Variants in ZBTB20 observed in about 807,000 individuals in gnomAD.
ZBTB20 encodes zinc finger and BTB domain containing 20.
ZBTB20 carries 9 observed loss-of-function variants against 56.9 expected under a neutral mutation model. That is an observed-to-expected ratio of 0.16 (90% CI 0.10 to 0.28). The LOEUF is 0.28. Among genes scored for constraint, ZBTB20 ranks in the 10% least tolerant of loss-of-function variants. ZBTB20 has a pLI of 1.00. For synonymous variants in ZBTB20, 417 were observed against 420.7 expected (o/e 0.99, Z 0.11); for missense variants, 655 against 1,003.0 (o/e 0.65, Z 4.69).
chr3:114,834,236 C>G (rs935320887), intron 4 of ZBTB20, among the ~76,000 whole-genome samples: 8 of 152,080 alleles, frequency 5.3e-5, no homozygotes, highest in African/African-American at 1.7e-4. Flanking sequence ...TTAGATCCTT[C>G]CAAATTTGTA....
intron 6 of ZBTB20, among the ~76,000 whole-genome samples, chr3:114,524,933 C>T (rs143395161): frequency 0.028 from 4,329 of 152,172 alleles, 100 homozygotes; most frequent in South Asian, 0.065. Context: ...AGGCTGGTCT[C>T]GAACTCCTGA....
chr3:114,421,153 A>T (rs761130668), intron 7 of ZBTB20, among the ~76,000 whole-genome samples: 6 of 151,980 alleles, frequency 3.9e-5, no homozygotes, highest in Non-Finnish European at 7.4e-5. Flanking sequence ...TGTCCACAGG[A>T]TAGTCTAGAG....
At chr3:114,535,831 G>A (rs1330654712) in intron 6 of ZBTB20, among the ~76,000 whole-genome samples, 2 of 152,162 alleles carry the variant, frequency 1.3e-5, no homozygotes, top group East Asian at 1.9e-4. Context: ...CTCAATGATG[G>A]TTCAACATAC....
intron 5 of ZBTB20, among the ~76,000 whole-genome samples, chr3:114,762,151 G>C (rs1358382305): frequency 6.6e-6 from 1 of 152,182 alleles, no homozygotes; most frequent in Admixed American, 6.6e-5. Flanking sequence ...AATAGAGATA[G>C]ATGACACAGG....
At chr3:114,772,467 T>C (rs1253946395) in intron 5 of ZBTB20, among the ~76,000 whole-genome samples, 1 of 152,158 alleles carries the variant, frequency 6.6e-6, no homozygotes, top group East Asian at 1.9e-4. Context: ...ATTAAAAGGA[T>C]TAGGATAAAT....
rs111286494 is a variant in ZBTB20, at chr3:115,035,544, AACACACACACAC to A, written c.-507+35663_-507+35674del. Among the ~76,000 whole-genome samples the A allele has an allele frequency of 5.4e-5, 8 of 147,858 alleles. No individual in the cohort carries two copies. The South Asian group carries it at 8.5e-4, about 16-fold the overall frequency. ...ACACCAATTAGAATTGCTACTATCA[AACACACACACAC>A]ACACACACACACACAAAACAAGTTT... On this transcript the variant is annotated intron_variant, in intron 2 of 11. Transcript: ENST00000675478.
chr3:114,755,703 G>T (rs1467261179), intron 5 of ZBTB20, among the ~76,000 whole-genome samples: 1 of 151,914 alleles, frequency 6.6e-6, no homozygotes. Flanking sequence ...GGGATTAAAA[G>T]GGGATTACTT....
At chr3:115,057,253 T>C (rs1302594297) in intron 2 of ZBTB20, among the ~76,000 whole-genome samples, 1 of 151,968 alleles carries the variant, frequency 6.6e-6, no homozygotes, top group Admixed American at 6.6e-5. Context: ...CTGTCCCATG[T>C]GTTCTTTATT....
intron 3 of ZBTB20, among the ~76,000 whole-genome samples, chr3:114,905,629 T>TA (rs2075291238): frequency 6.6e-6 from 1 of 151,884 alleles, no homozygotes; most frequent in Non-Finnish European, 1.5e-5. Flanking sequence ...TCACACTGCA[T>TA]AAAAAATTAA....
chr3:115,019,843 C>T (rs2080132455), intron 2 of ZBTB20, among the ~76,000 whole-genome samples: 1 of 150,932 alleles, frequency 6.6e-6, no homozygotes, highest in Non-Finnish European at 1.5e-5. Flanking sequence ...ACAGAGAACT[C>T]CGAAGAGGTA....
intron 3 of ZBTB20, among the ~76,000 whole-genome samples, chr3:114,938,026 G>A (rs1287733325): frequency 6.6e-6 from 1 of 151,990 alleles, no homozygotes; most frequent in Non-Finnish European, 1.5e-5. Flanking sequence ...GTGGAGGCAG[G>A]AGAATGGCGT....
rs71146332 is a variant in ZBTB20 at position 114,748,352 on chromosome 3, TTCTC to T, written c.-343+52745_-343+52748del. Among the ~76,000 whole-genome samples the T allele has an allele frequency of 2.8e-3, 134 of 48,634 alleles. 2 individuals are homozygous for T. The highest frequency in any genetic ancestry group is 7.0e-3 in the African/African-American group (123 of 17,462). 31.9% of individuals were successfully genotyped at this position (48,634 alleles called of 152,430 possible). A position where few individuals can be genotyped will look rare whatever the true frequency, so the allele number is the denominator to read the frequency against. On this transcript the variant is annotated intron_variant, in intron 5 of 11. Transcript: ENST00000675478. ...TTTCTTTCTTCTTTCTTTCTTTCTT[TTCTC>T]TCTCTCTCTCTCTCTCTCTCTCTTT...
intron 2 of ZBTB20, among the ~76,000 whole-genome samples, chr3:115,023,459 C>A (rs1459056318): frequency 6.6e-6 from 1 of 150,642 alleles, no homozygotes; most frequent in Non-Finnish European, 1.5e-5. Flanking sequence ...TTTTTCAGTT[C>A]TGCATCACCT....
chr3:114,700,120 AATTTTT>A (rs1402157916), intron 5 of ZBTB20, among the ~76,000 whole-genome samples: 1 of 151,850 alleles, frequency 6.6e-6, no homozygotes, highest in Non-Finnish European at 1.5e-5. Context: ...TCCTTGTCTT[AATTTTT>A]GACTCTTTAG....
At chr3:114,931,679 GT>G (rs1196750220) in intron 3 of ZBTB20, among the ~76,000 whole-genome samples, 5 of 151,664 alleles carry the variant, frequency 3.3e-5, no homozygotes, top group African/African-American at 7.3e-5. Flanking sequence ...AATAACAAAG[GT>G]TTTTATTGTT....
chr3:114,321,327 C>T lies in ZBTB20; in HGVS notation c.*17678G>A, dbSNP rs2078887036. 1 of 152,244 alleles carries T rather than the reference C, an allele frequency of 6.6e-6. No homozygotes were observed. The highest frequency in any genetic ancestry group is 1.5e-5 in the Non-Finnish European group (1 of 68,056). 9.4% of individuals were successfully genotyped at this position (152,244 alleles called of 1,614,324 possible). ...TTTTCTACAATGCATTGGTTTCCTT[C>T]TGTTGCGGAGCATTCTTTAGGATTA... On this transcript the variant is annotated 3_prime_UTR_variant, in exon 12 of 12. Transcript: ENST00000675478.
chr3:114,482,561 G>T (rs1031147255), intron 7 of ZBTB20, among the ~76,000 whole-genome samples: 2 of 152,028 alleles, frequency 1.3e-5, no homozygotes, highest in Non-Finnish European at 2.9e-5. Flanking sequence ...CAAATTTTTT[G>T]TTGTTTTTTT....
At chr3:114,966,925 T>C (rs2077671423) in intron 3 of ZBTB20, among the ~76,000 whole-genome samples, 1 of 152,182 alleles carries the variant, frequency 6.6e-6, no homozygotes, top group Admixed American at 6.6e-5. Flanking sequence ...TAATACTATC[T>C]ATTCTATAAG....
chr3:114,473,430 C>T (rs1163302124), intron 7 of ZBTB20, among the ~76,000 whole-genome samples: 1 of 152,062 alleles, frequency 6.6e-6, no homozygotes, highest in Non-Finnish European at 1.5e-5. Context: ...CATATTTTGT[C>T]TAAATATTGA....
Sources: gnomAD v4.1 joint callset for allele counts (sites outside exome capture counted in the v4.1 genomes callset) on GRCh38, gnomAD v4.1.1 for gene constraint, MANE v1.5 for transcripts, NCBI Gene and HGNC (gene_info 2026-07-23, HGNC 2026-07-21) for gene names.